The following CSMD1 variants were observed in gnomAD, a reference collection of about 807,000 sequenced individuals.
CSMD1 encodes the protein CUB and sushi domain-containing protein 1.
In CSMD1, 213 loss-of-function variants were observed where a neutral mutation model predicts 417.5. The observed-to-expected ratio is 0.51, with a 90% CI of 0.46 to 0.57. The LOEUF is 0.57. CSMD1 is among the 20% of genes least tolerant of loss of function. CSMD1 has a pLI of 0.00. For missense variants in CSMD1, 6,923 were observed against 4,529.7 expected, an observed-to-expected ratio of 1.53 and a Z score of -15.17; for synonymous variants, 2,862 against 1,736.8, an observed-to-expected ratio of 1.65 and a Z score of -16.11.
intron 3 of CSMD1, among the ~76,000 whole-genome samples, chr8:4,148,294 C>A (rs1796382821): frequency 7.0e-6 from 1 of 143,424 alleles, no homozygotes; most frequent in Non-Finnish European, 1.5e-5. Flanking sequence ...CACATGTTCT[C>A]ACTCATAGGT....
At chr8:4,734,823 G>A (rs561184401) in intron 1 of CSMD1, among the ~76,000 whole-genome samples, 2 of 152,096 alleles carry the variant, frequency 1.3e-5, no homozygotes, top group Non-Finnish European at 2.9e-5. Context: ...GGTATTTTCA[G>A]TCTTGGCTCT....
intron 5 of CSMD1, among the ~76,000 whole-genome samples, chr8:3,875,073 C>T (rs1289398335): frequency 4.6e-5 from 7 of 152,018 alleles, no homozygotes; most frequent in Admixed American, 1.3e-4. Context: ...AGAGCGGACA[C>T]AGAAAGGTGC....
intron 31 of CSMD1, among the ~76,000 whole-genome samples, chr8:3,202,020 G>C (rs1043941105): frequency 6.6e-6 from 1 of 152,176 alleles, no homozygotes; most frequent in Non-Finnish European, 1.5e-5. Context: ...AAGAATATAT[G>C]GGCTGGATGT....
intron 1 of CSMD1, among the ~76,000 whole-genome samples, chr8:4,801,404 C>T (rs1053957304): frequency 1.3e-5 from 2 of 151,876 alleles, no homozygotes; most frequent in Non-Finnish European, 2.9e-5. Context: ...ACCCTCTCCC[C>T]GTGGGTTCTA....
chr8:4,747,925 T>G (rs1017786939), intron 1 of CSMD1, among the ~76,000 whole-genome samples: 1 of 152,214 alleles, frequency 6.6e-6, no homozygotes, highest in African/African-American at 2.4e-5. Context: ...ACAAATACAC[T>G]ATTTATTGCA....
intron 1 of CSMD1, among the ~76,000 whole-genome samples, chr8:4,697,059 C>T (rs1047649243): frequency 6.6e-6 from 1 of 152,174 alleles, no homozygotes; most frequent in East Asian, 1.9e-4. Flanking sequence ...GTAATCCCAG[C>T]TACTCAGGAG....
intron 67 of CSMD1, among the ~76,000 whole-genome samples, chr8:2,949,827 G>C (rs1030629766): frequency 6.6e-6 from 1 of 152,128 alleles, no homozygotes; most frequent in African/African-American, 2.4e-5. Flanking sequence ...GCAAAGAACG[G>C]TGTTAAGGGG....
At position 3,316,507 on chromosome 8, in the gene CSMD1, T is replaced by C. The variant is rs1805772168; in HGVS notation, c.3632-8004A>G. Among the ~76,000 whole-genome samples the C allele has an allele frequency of 2.1e-5, 3 of 145,268 alleles. No individual in the cohort carries two copies. The Admixed American group carries it at 2.1e-4, about 10-fold the overall frequency. Reference sequence around the variant, plus strand: ...GGGACAAAGGAAACTAGTATATTGGTAGCTGGAGGGGTTCAGTGAGCCTTG... The same window carrying C: ...GGGACAAAGGAAACTAGTATATTGGCAGCTGGAGGGGTTCAGTGAGCCTTG... On this transcript the variant is annotated intron_variant, in intron 23 of 69. Transcript: ENST00000635120.
At chr8:4,551,130 G>T (rs1235469350) in intron 2 of CSMD1, among the ~76,000 whole-genome samples, 2 of 152,104 alleles carry the variant, frequency 1.3e-5, no homozygotes, top group Non-Finnish European at 2.9e-5. Flanking sequence ...CACTGACCTG[G>T]GTCTGGCAAC....
chr8:3,460,277 G>A (rs1183345303), intron 12 of CSMD1, among the ~76,000 whole-genome samples: 1 of 152,132 alleles, frequency 6.6e-6, no homozygotes, highest in Non-Finnish European at 1.5e-5. Flanking sequence ...GGAGATACGT[G>A]TGCAAAGGTA....
At chr8:3,053,304 T>C (rs1373611049) in intron 49 of CSMD1, among the ~76,000 whole-genome samples, 1 of 152,140 alleles carries the variant, frequency 6.6e-6, no homozygotes, top group African/African-American at 2.4e-5. Flanking sequence ...CTCAACTTCA[T>C]CTCATATTGG....
intron 41 of CSMD1, among the ~76,000 whole-genome samples, chr8:3,122,629 G>C (rs1219003854): frequency 6.6e-6 from 1 of 152,116 alleles, no homozygotes; most frequent in East Asian, 1.9e-4. Context: ...TCGTGATAGT[G>C]AATGAGTCTC....
At chr8:4,621,418 T>A (rs1801771124) in intron 2 of CSMD1, among the ~76,000 whole-genome samples, 1 of 152,140 alleles carries the variant, frequency 6.6e-6, no homozygotes, top group East Asian at 1.9e-4. Flanking sequence ...ATGCTCAACC[T>A]GCATTAATAA....
Position 3,190,985 on chromosome 8 carries a change from C to G in CSMD1, c.5195-870G>C, listed in dbSNP as rs540460132. 6.6e-5 allele frequency among the ~76,000 whole-genome samples: 10 copies of G among 152,302 alleles called. No homozygotes were observed. The East Asian group carries it at 1.7e-3, about 27-fold the overall frequency. ...GGCTGGGGAACAGGAAAATGGGAAG[C>G]AACTGTTGAGTGGCTATAAAGTTTC... On this transcript the variant is annotated intron_variant, in intron 33 of 69. Transcript: ENST00000635120.
At chr8:3,983,429 C>G (rs529052140) in intron 5 of CSMD1, among the ~76,000 whole-genome samples, 9 of 151,880 alleles carry the variant, frequency 5.9e-5, no homozygotes, top group Non-Finnish European at 8.8e-5. Flanking sequence ...CGCGCCCGGC[C>G]GCAGCCTCCC....
chr8:3,648,713 C>A (rs1001355111), intron 7 of CSMD1, among the ~76,000 whole-genome samples: 1 of 152,150 alleles, frequency 6.6e-6, no homozygotes, highest in African/African-American at 2.4e-5. Context: ...AGTGCCTGAT[C>A]ATTTACAGAA....
chr8:3,001,726 T>C (rs925031557), intron 52 of CSMD1, among the ~76,000 whole-genome samples: 1 of 152,164 alleles, frequency 6.6e-6, no homozygotes, highest in Non-Finnish European at 1.5e-5. Context: ...GGAAAACAGC[T>C]ACAGAAGCCT....
chr8:2,980,210 T>G (rs577318001), intron 54 of CSMD1, among the ~76,000 whole-genome samples: 1 of 152,208 alleles, frequency 6.6e-6, no homozygotes, highest in Non-Finnish European at 1.5e-5. Context: ...GAAAGCCACT[T>G]AGGAGAAATG....
At chr8:4,073,109 C>T (rs1283890535) in intron 3 of CSMD1, among the ~76,000 whole-genome samples, 2 of 152,048 alleles carry the variant, frequency 1.3e-5, no homozygotes, top group African/African-American at 2.4e-5. Context: ...TTCCTGTTAC[C>T]ATCATGATTC....
Sources: allele counts gnomAD v4.1 joint callset (sites outside exome capture counted in the v4.1 genomes callset), GRCh38; gene constraint gnomAD v4.1.1; transcripts MANE v1.5; gene names NCBI Gene and HGNC (gene_info 2026-07-23, HGNC 2026-07-21).